Variants in LGR6 observed in about 807,000 individuals in gnomAD.
LGR6 encodes leucine-rich repeat-containing G protein-coupled receptor 6.
LGR6 carries 45 observed loss-of-function variants against 69.4 expected under a neutral mutation model. That is an observed-to-expected ratio of 0.65 (90% CI 0.51 to 0.83). The LOEUF is 0.83. Ranked by LOEUF, LGR6 falls within the 40% of genes least tolerant of loss-of-function variation. LGR6 has a pLI of 0.00. For missense variants in LGR6, 1,108 were observed against 1,246.7 expected, an observed-to-expected ratio of 0.89 and a Z score of 1.68; for synonymous variants, 538 against 555.0, an observed-to-expected ratio of 0.97 and a Z score of 0.43.
In LGR6 at chr1:202,193,919, G is replaced by A. The variant is rs2147879843; in HGVS notation, c.-71G>A. On this transcript the variant is annotated 5_prime_UTR_variant, in exon 1 of 18. Coordinates refer to ENST00000367278, the MANE Select transcript of LGR6 (RefSeq NM_001017403.2). ...CGGTGCAGCCCGCCGGGACCGGGAG[G>A]AAGCAGCTGCGGCCATCGCGCCGTG... 1 of 1,013,430 alleles carries A rather than the reference G, an allele frequency of 9.9e-7. No homozygotes were observed. Among genetic ancestry groups the A allele is most frequent in the Non-Finnish European group, 1.3e-6 (1 of 783,626 alleles). 62.8% of individuals were successfully genotyped at this position (1,013,430 alleles called of 1,614,324 possible).
rs142083498 is a variant in LGR6 at position 202,276,467 on chromosome 1, G to T, written c.590G>T (p.Arg197Leu). The part of the protein sequence containing the change: ...ALQAMTLALN[R>L]ISHIPDYAFQ... ...CAGGCCATGACCCTGGCCCTCAACC[G>T]CATCAGCCACATCCCCGACTACGCG... Residue 197 changes from arginine to leucine, a missense_variant, in exon 5 of 18, where the codon CGC (arginine) becomes CTC (leucine). Transcript: ENST00000367278. 1.2e-6 allele frequency: 2 copies of T among 1,614,040 alleles called. No homozygotes were observed. Among genetic ancestry groups the T allele is most frequent in the South Asian group, 1.1e-5 (1 of 91,066 alleles).
At chr1:202,287,758 A>G (rs788645) in intron 6 of LGR6, among the ~76,000 whole-genome samples, 75,177 of 151,856 alleles carry the variant, frequency 0.5, 19,313 homozygotes, top group East Asian at 0.7. Flanking sequence ...CATTGGCCCC[A>G]TCTTCCAACT....
intron 6 of LGR6, among the ~76,000 whole-genome samples, chr1:202,283,394 T>G (rs1666159429): frequency 6.6e-6 from 1 of 152,176 alleles, no homozygotes. Context: ...AAAGAAATGA[T>G]AGTCAAACCT....
chr1:202,297,510 A>C lies in LGR6; in HGVS notation c.719A>C (p.Asp240Ala), dbSNP rs2148245152. 4 of 1,613,498 alleles carry C rather than the reference A, an allele frequency of 2.5e-6. No homozygotes were observed. Among genetic ancestry groups the C allele is most frequent in the Non-Finnish European group, 3.4e-6 (4 of 1,179,686 alleles). ...FEGLHNLETL[D>A]LNYNKLQEFP... ...GACTGCTCTGCTTTCTGTTCCAGAG[A>C]CCTGAATTATAACAAGCTGCAGGAG... is the stretch of plus-strand genomic sequence containing the variant. The change falls in exon 7 of 18, where the codon GAC becomes GCC. Residue 240 changes from aspartate to alanine, a missense_variant and splice_region_variant. Transcript: ENST00000367278.
At chr1:202,307,011 T>C in intron 13 of LGR6, 72 bp downstream of exon 13, 2 of 1,318,826 alleles carry the variant, frequency 1.5e-6, no homozygotes, top group Non-Finnish European at 2.2e-6. Context: ...CTCATTGTCA[T>C]AGCACATGTG....
chr1:202,217,853 C>T (rs564506904), intron 1 of LGR6, among the ~76,000 whole-genome samples: 11 of 152,292 alleles, frequency 7.2e-5, no homozygotes, highest in South Asian at 2.1e-4. Context: ...ATTGTTCTCA[C>T]GCAGGACTCT....
intron 1 of LGR6, among the ~76,000 whole-genome samples, chr1:202,196,854 G>A (rs574344296): frequency 6.6e-6 from 1 of 152,286 alleles, no homozygotes; most frequent in South Asian, 2.1e-4. Context: ...CTGTGTGCTG[G>A]GGAGGTGACT....
At chr1:202,288,641 A>G (rs1222902109) in intron 6 of LGR6, among the ~76,000 whole-genome samples, 11 of 151,972 alleles carry the variant, frequency 7.2e-5, no homozygotes, top group African/African-American at 2.4e-4. Flanking sequence ...TCTGCGCCCT[A>G]GATGTAAGTG....
intron 1 of LGR6, among the ~76,000 whole-genome samples, chr1:202,220,808 C>T (rs1660103920): frequency 1.3e-5 from 2 of 151,690 alleles, no homozygotes; most frequent in Non-Finnish European, 2.9e-5. Context: ...GCCACTGTAG[C>T]TGGCCTTTTC....
chr1:202,318,448 A>C lies in LGR6; in HGVS notation c.2145A>C (p.Pro715=). 1.2e-6 allele frequency: 2 copies of C among 1,612,588 alleles called. No homozygotes were observed. Among genetic ancestry groups the C allele is most frequent in the East Asian group, 4.5e-5 (2 of 44,850 alleles). Residue 715 remains proline (P), a synonymous_variant, in exon 18 of 18, where the codon CCA becomes CCC. Transcript: ENST00000367278. ...CAGTGGGAGAATACGGGGCCTCCCC[A>C]CTCTGCCTGCCCTACGCGCCACCTG... The part of the protein sequence containing the change: ...LASVGEYGAS[P]LCLPYAPPEG...
intron 16 of LGR6, among the ~76,000 whole-genome samples, chr1:202,314,255 C>A (rs913615945): frequency 6.6e-6 from 1 of 152,168 alleles, no homozygotes; most frequent in African/African-American, 2.4e-5. Context: ...GGCCATGATA[C>A]CCCCACTTAC....
intron 1 of LGR6, among the ~76,000 whole-genome samples, chr1:202,216,079 C>T (rs577222745): frequency 6.6e-6 from 1 of 152,184 alleles, no homozygotes; most frequent in Non-Finnish European, 1.5e-5. Flanking sequence ...TTTGCCGCTT[C>T]GTCACCTAGC....
chr1:202,220,882 C>G (rs1292749802), intron 1 of LGR6, among the ~76,000 whole-genome samples: 1 of 152,136 alleles, frequency 6.6e-6, no homozygotes, highest in Non-Finnish European at 1.5e-5. Flanking sequence ...TACACTCACA[C>G]ACATTCACAC....
chr1:202,194,251 C>A (rs764340901), intron 1 of LGR6, 50 bp downstream of exon 1: 2 of 1,355,480 alleles, frequency 1.5e-6, no homozygotes, highest in South Asian at 1.4e-5. Context: ...TGCTGGCTAG[C>A]GCCCAGTCCC....
At chr1:202,214,123 C>T in intron 1 of LGR6, 1 of 1,461,928 alleles carries the variant, frequency 6.8e-7, no homozygotes, top group Non-Finnish European at 9.0e-7. Context: ...CACTGGACCG[C>T]AGAACTGGCA....
chr1:202,298,306 G>C (rs1394021765), intron 7 of LGR6, among the ~76,000 whole-genome samples: 1 of 152,186 alleles, frequency 6.6e-6, no homozygotes, highest in Non-Finnish European at 1.5e-5. Flanking sequence ...AGGCGACAGT[G>C]GTGGGGAAGG....
At chr1:202,217,069 T>A (rs1659833778) in intron 1 of LGR6, among the ~76,000 whole-genome samples, 1 of 152,202 alleles carries the variant, frequency 6.6e-6, no homozygotes, top group South Asian at 2.1e-4. Context: ...CCCCTCAGCC[T>A]GCGATGGGCC....
intron 6 of LGR6, among the ~76,000 whole-genome samples, chr1:202,288,571 G>T (rs931245251): frequency 6.6e-6 from 1 of 152,120 alleles, no homozygotes; most frequent in Non-Finnish European, 1.5e-5. Flanking sequence ...ATCTAAGGTT[G>T]TTCCCAGCTG....
intron 6 of LGR6, among the ~76,000 whole-genome samples, chr1:202,294,288 CAA>C (rs1666992904): frequency 6.6e-6 from 1 of 152,208 alleles, no homozygotes; most frequent in African/African-American, 2.4e-5. Flanking sequence ...AGAAAATAAA[CAA>C]ATATATGTCA....
Sources: allele counts gnomAD v4.1 joint callset (sites outside exome capture counted in the v4.1 genomes callset), GRCh38; gene constraint gnomAD v4.1.1; transcripts MANE v1.5; gene names NCBI Gene and HGNC (gene_info 2026-07-23, HGNC 2026-07-21).